Variants in CNTNAP5 observed in about 807,000 individuals in gnomAD.
The protein encoded by CNTNAP5 is contactin-associated protein-like 5.
Under a neutral mutation model 150.2 loss-of-function variants are expected in CNTNAP5, and 72 were observed. That is an observed-to-expected ratio of 0.48 (90% CI 0.40 to 0.58). The LOEUF is 0.58. CNTNAP5 is among the 20% of genes least tolerant of loss of function. The probability of loss-of-function intolerance (pLI) is 0.00; values close to 1 mark genes in which losing one functional copy is unlikely to be tolerated. For missense variants in CNTNAP5, 1,636 were observed against 1,626.2 expected, an observed-to-expected ratio of 1.01 and a Z score of -0.10; for synonymous variants, 672 against 619.8, an observed-to-expected ratio of 1.08 and a Z score of -1.25.
intron 13 of CNTNAP5, among the ~76,000 whole-genome samples, chr2:124,713,276 T>C (rs1418945087): frequency 7.0e-5 from 9 of 129,380 alleles, no homozygotes; most frequent in African/African-American, 2.1e-4. Flanking sequence ...TTTCTTTCTT[T>C]CTTTCTTTCT....
At position 124,718,838 on chromosome 2, in the gene CNTNAP5, G is replaced by A. The variant is rs189561338; in HGVS notation, c.2078-28391G>A. ...CGCATGCCTGTAGTCCCAGCTACTCGGGATGCTGAGGCAGGGGAATCTCTT... is the reference window on the plus strand; with the variant it reads ...CGCATGCCTGTAGTCCCAGCTACTCAGGATGCTGAGGCAGGGGAATCTCTT... On this transcript the variant is annotated intron_variant, in intron 13 of 23. Coordinates refer to ENST00000682447, the MANE Select transcript of CNTNAP5 (RefSeq NM_001367498.1). 2.6e-3 allele frequency among the ~76,000 whole-genome samples: 393 copies of A among 152,072 alleles called. 1 individual carries two copies. The highest frequency in any genetic ancestry group is 4.2e-3 in the Non-Finnish European group (283 of 67,982).
At chr2:124,053,344 T>C (rs933590998) in intron 1 of CNTNAP5, among the ~76,000 whole-genome samples, 1 of 136,594 alleles carries the variant, frequency 7.3e-6, no homozygotes. Context: ...TTTGTTCTGC[T>C]TCCTTTTTCT....
Position 124,747,311 on chromosome 2 carries a change from G to T in CNTNAP5, c.2160G>T (p.Gln720His). The change falls in exon 14 of 24, where the codon CAG (glutamine) becomes CAT (histidine). Residue 720 changes from glutamine (Q) to histidine (H), a missense_variant. By Grantham distance (24) the Gln-to-His change is conservative. Coordinates refer to ENST00000682447, the MANE Select transcript of CNTNAP5 (RefSeq NM_001367498.1). ...YWGGSPPGVQ[Q>H]CECGLDESCL... is the part of the protein sequence containing the mutation. The stretch of plus-strand genomic sequence containing the variant: ...GAGGTTCCCCTCCTGGGGTCCAGCA[G>T]TGTGAGTGTGGCCTAGACGAGAGCT... 6.2e-7 allele frequency: 1 copy of T among 1,613,852 alleles called. No homozygotes were observed. Among genetic ancestry groups the T allele is most frequent in the South Asian group, 1.1e-5 (1 of 91,082 alleles).
rs79521951 is a variant in CNTNAP5 at position 124,171,395 on chromosome 2, C to A, written c.83-50310C>A. 8.0e-3 allele frequency among the ~76,000 whole-genome samples: 1,222 copies of A among 152,268 alleles called. 17 individuals are homozygous for A. The highest frequency in any genetic ancestry group is 0.027 in the African/African-American group (1,122 of 41,542). On this transcript the variant is annotated intron_variant, in intron 1 of 23. Coordinates refer to ENST00000682447, the MANE Select transcript of CNTNAP5 (RefSeq NM_001367498.1). ...TGGGGTGCCAGCACAACAGTATCAC[C>A]ACAAACCCTCAGCACGTTGCTAATT...
chr2:124,589,513 T>G (rs1696631665), intron 11 of CNTNAP5, among the ~76,000 whole-genome samples: 1 of 152,186 alleles, frequency 6.6e-6, no homozygotes, highest in African/African-American at 2.4e-5. Context: ...GCACATGTGT[T>G]CATTTCTCTT....
In CNTNAP5 at chr2:124,916,816, T is replaced by C. The variant is rs923649064; in HGVS notation, c.*2528T>C. Among the ~76,000 whole-genome samples the C allele has an allele frequency of 3.3e-5, 5 of 152,078 alleles. No individual in the cohort carries two copies. In the South Asian group the frequency reaches 6.2e-4, roughly 19 times the overall value. On this transcript the variant is annotated 3_prime_UTR_variant, in exon 24 of 24. Coordinates refer to ENST00000682447, the MANE Select transcript of CNTNAP5 (RefSeq NM_001367498.1). ...ATGTAGATGCCAGGACAGTGCCGTC[T>C]ACACGTCACTCCTATAAGTAGTCTC...
At position 124,331,570 on chromosome 2, in the gene CNTNAP5, T is replaced by C. The variant is rs562896592; in HGVS notation, c.382-85873T>C. Among the ~76,000 whole-genome samples, 3 of 152,160 alleles carry C rather than the reference T, an allele frequency of 2.0e-5. No individual in the cohort carries two copies. The East Asian group carries it at 5.8e-4, about 29-fold the overall frequency. On this transcript the variant is annotated intron_variant, in intron 3 of 23. Coordinates refer to ENST00000682447, the MANE Select transcript of CNTNAP5 (RefSeq NM_001367498.1). Reference sequence around the variant, plus strand: ...TTTGAGGTCAAAAAGACTTCATTTGTATTTTGGAATTTTTTTTTTTTAAAT... The same window carrying C: ...TTTGAGGTCAAAAAGACTTCATTTGCATTTTGGAATTTTTTTTTTTTAAAT...
At chr2:124,711,143 C>T (rs1024418609) in intron 13 of CNTNAP5, among the ~76,000 whole-genome samples, 12 of 151,878 alleles carry the variant, frequency 7.9e-5, no homozygotes, top group African/African-American at 2.7e-4. Context: ...TGGTGGCACG[C>T]ACCTGTAATC....
intron 19 of CNTNAP5, among the ~76,000 whole-genome samples, chr2:124,818,446 G>C (rs1682414558): frequency 6.6e-6 from 1 of 152,100 alleles, no homozygotes; most frequent in African/African-American, 2.4e-5. Context: ...AGGATGACTT[G>C]AGCCCAAGGG....
chr2:124,567,999 C>T (rs1171510283), intron 11 of CNTNAP5, among the ~76,000 whole-genome samples: 2 of 152,106 alleles, frequency 1.3e-5, no homozygotes, highest in Middle Eastern at 3.2e-3. Flanking sequence ...TCCACAAGGT[C>T]TCATATCTAG....
intron 12 of CNTNAP5, among the ~76,000 whole-genome samples, chr2:124,645,020 A>C (rs1319933456): frequency 6.6e-6 from 1 of 152,240 alleles, no homozygotes; most frequent in South Asian, 2.1e-4. Context: ...TATAGATTAG[A>C]CAGGGTTTTC....
chr2:124,074,972 C>CT (rs1682403309), intron 1 of CNTNAP5, among the ~76,000 whole-genome samples: 1 of 151,986 alleles, frequency 6.6e-6, no homozygotes, highest in Non-Finnish European at 1.5e-5. Flanking sequence ...TTCCTTGTGT[C>CT]TGTGAAAGCT....
intron 1 of CNTNAP5, among the ~76,000 whole-genome samples, chr2:124,030,156 G>A (rs1681005566): frequency 6.6e-6 from 1 of 152,100 alleles, no homozygotes; most frequent in Non-Finnish European, 1.5e-5. Flanking sequence ...TACTTTTAAT[G>A]TAATTTGTCT....
intron 16 of CNTNAP5, among the ~76,000 whole-genome samples, chr2:124,765,810 T>C (rs1681055796): frequency 6.6e-6 from 1 of 151,724 alleles, no homozygotes; most frequent in African/African-American, 2.4e-5. Flanking sequence ...ACAAAAATTA[T>C]CCACGTGTGG....
intron 1 of CNTNAP5, among the ~76,000 whole-genome samples, chr2:124,113,275 T>A (rs1489975021): frequency 1.3e-5 from 2 of 152,126 alleles, no homozygotes; most frequent in Non-Finnish European, 2.9e-5. Flanking sequence ...TTACAATTAA[T>A]TCTGATGTGG....
intron 8 of CNTNAP5, 52 bp from the exon 9 acceptor site, chr2:124,524,251 T>G: frequency 6.3e-7 from 1 of 1,596,804 alleles, no homozygotes; most frequent in Non-Finnish European, 8.6e-7. Context: ...CCCCTCTCTC[T>G]AAGTCTTCTG....
intron 11 of CNTNAP5, among the ~76,000 whole-genome samples, chr2:124,584,304 T>C (rs777953232): frequency 2.6e-5 from 4 of 152,160 alleles, no homozygotes; most frequent in Non-Finnish European, 5.9e-5. Context: ...GTTTTCCTGC[T>C]GGTGGTCATG....
chr2:124,761,750 A>G (rs530364033), intron 14 of CNTNAP5, among the ~76,000 whole-genome samples: 1 of 152,100 alleles, frequency 6.6e-6, no homozygotes, highest in Non-Finnish European at 1.5e-5. Context: ...ATTTACTTTA[A>G]GTTTTCAGGT....
At chr2:124,436,647 A>T (rs1272761363) in intron 5 of CNTNAP5, among the ~76,000 whole-genome samples, 1 of 152,206 alleles carries the variant, frequency 6.6e-6, no homozygotes, top group Non-Finnish European at 1.5e-5. Flanking sequence ...TTCTGAAAAT[A>T]AGTGGAATAT....
Sources: gnomAD v4.1 joint callset for allele counts (sites outside exome capture counted in the v4.1 genomes callset) on GRCh38, gnomAD v4.1.1 for gene constraint, MANE v1.5 for transcripts, NCBI Gene and HGNC (gene_info 2026-07-23, HGNC 2026-07-21) for gene names.